Variants in NCBP1 observed in about 807,000 individuals in gnomAD.
The protein encoded by NCBP1 is nuclear cap binding protein subunit 1.
In NCBP1, 16 loss-of-function variants were observed where a neutral mutation model predicts 111.7. That is an observed-to-expected ratio of 0.14 (90% CI 0.10 to 0.22). The LOEUF (loss-of-function observed/expected upper bound fraction) is 0.22. NCBP1 is among the 10% of genes least tolerant of loss of function. The probability of loss-of-function intolerance (pLI) is 1.00; values close to 1 mark genes in which losing one functional copy is unlikely to be tolerated. For synonymous variants in NCBP1, 304 were observed against 314.3 expected, an observed-to-expected ratio of 0.97 and a Z score of 0.35; for missense variants, 607 against 957.5, an observed-to-expected ratio of 0.63 and a Z score of 4.83.
At chr9:97,655,619 T>G in intron 12 of NCBP1, 83 bp from the exon 13 acceptor site, 1 of 1,120,330 alleles carries the variant, frequency 8.9e-7, no homozygotes, top group Non-Finnish European at 1.3e-6. Context: ...GGGTTTTATC[T>G]GTTTGAAGGC....
Position 97,633,919 on chromosome 9 carries a change from A to C in NCBP1, c.34+4A>C. 1 of 1,586,788 alleles carries C rather than the reference A, an allele frequency of 6.3e-7. No homozygotes were observed. The highest frequency in any genetic ancestry group is 8.5e-7 in the Non-Finnish European group (1 of 1,172,650). ...CGGCACAGCGACGAGAACGACGGTG[A>C]GTGCCTGCGGCCCGGCCACGGAGGC... On this transcript the variant is annotated splice_donor_region_variant and intron_variant, in intron 1 of 22. Transcript: ENST00000375147.
At chr9:97,659,951 A>G (rs771298252) in intron 15 of NCBP1, among the ~76,000 whole-genome samples, 1 of 152,082 alleles carries the variant, frequency 6.6e-6, no homozygotes, top group Non-Finnish European at 1.5e-5. Flanking sequence ...TGACTTTGCC[A>G]TTACCCCAGT....
intron 22 of NCBP1, among the ~76,000 whole-genome samples, chr9:97,670,386 T>C (rs1025012055): frequency 2.0e-5 from 3 of 152,226 alleles, no homozygotes; most frequent in Admixed American, 1.3e-4. Flanking sequence ...CTGGGGTCTC[T>C]CTGCAAAAGC....
At chr9:97,668,718 G>A (rs1828086562) in intron 20 of NCBP1, 128 bp from the exon 21 acceptor site, 9 of 985,818 alleles carry the variant, frequency 9.1e-6, no homozygotes, top group Non-Finnish European at 1.1e-5. Context: ...GGCGGGGTGG[G>A]GGGGTACTTT....
intron 7 of NCBP1, 59 bp downstream of exon 7, chr9:97,647,620 T>A: frequency 7.3e-7 from 1 of 1,371,402 alleles, no homozygotes; most frequent in Non-Finnish European, 1.0e-6. Context: ...TAGATTCTTA[T>A]CTCTGTAAGA....
intron 22 of NCBP1, chr9:97,670,129 G>C (rs1357984886): frequency 1.7e-5 from 5 of 295,082 alleles, no homozygotes; most frequent in African/African-American, 1.1e-4. Flanking sequence ...CACCATGTTG[G>C]CCAGGCTAGT....
At chr9:97,644,903 T>C (rs1827292761) in intron 4 of NCBP1, among the ~76,000 whole-genome samples, 2 of 152,210 alleles carry the variant, frequency 1.3e-5, no homozygotes, top group South Asian at 4.1e-4. Context: ...GTAATTTGTA[T>C]ATGTCATAAA....
Position 97,640,801 on chromosome 9 carries a change from G to C in NCBP1, c.42G>C (p.Gln14His). The change falls in exon 2 of 23, where the codon CAG becomes CAC. Residue 14 changes from glutamine (Q) to histidine (H), a missense_variant. Gln to His is a conservative substitution (Grantham distance 24). This residue lies in a region of NCBP1 where 185 missense variants were observed against 272.0 expected (regional missense o/e 0.68). Coordinates refer to ENST00000375147, the MANE Select transcript of NCBP1 (RefSeq NM_002486.5). ...RRHSDENDGG[Q>H]PHKRRKTSDA... ...TTTATGTTGCTGAAATAGGTGGGCA[G>C]CCTCACAAAAGGAGAAAGACCTCTG... The C allele has an allele frequency of 6.2e-7, 1 of 1,605,706 alleles. No individual in the cohort carries two copies. Among genetic ancestry groups the C allele is most frequent in the Non-Finnish European group, 8.5e-7 (1 of 1,176,770 alleles).
chr9:97,637,666 T>G (rs755288028), intron 1 of NCBP1, among the ~76,000 whole-genome samples: 3 of 152,232 alleles, frequency 2.0e-5, no homozygotes, highest in African/African-American at 7.2e-5. Context: ...CATGTTATCT[T>G]TCAAGTTGTT....
chr9:97,667,840 T>C (rs1828054971), intron 20 of NCBP1, among the ~76,000 whole-genome samples: 1 of 152,212 alleles, frequency 6.6e-6, no homozygotes, highest in Non-Finnish European at 1.5e-5. Context: ...AGGCTGCACA[T>C]ATTTATATAA....
intron 13 of NCBP1, 25 bp from the exon 14 acceptor site, chr9:97,655,986 T>C (rs761400375): frequency 7.5e-6 from 12 of 1,599,814 alleles, no homozygotes; most frequent in Non-Finnish European, 8.6e-6. Flanking sequence ...ATGTAAGCAT[T>C]GATAAAACTA....
intron 19 of NCBP1, 137 bp downstream of exon 19, chr9:97,664,580 A>G (rs60463150): frequency 0.051 from 29,358 of 570,180 alleles, 4,242 homozygotes; most frequent in African/African-American, 0.36. Context: ...AGGATTGGAC[A>G]TGGCAAAAAT....
chr9:97,661,963 A>G (rs1827852394), intron 16 of NCBP1, 79 bp from the exon 17 acceptor site: 1 of 952,464 alleles, frequency 1.0e-6, no homozygotes, highest in Non-Finnish European at 1.6e-6. Context: ...GTGAGCAACC[A>G]TCTATTTAGC....
chr9:97,654,009 T>G (rs1187550165), intron 11 of NCBP1, 101 bp downstream of exon 11: 1 of 1,053,106 alleles, frequency 9.5e-7, no homozygotes, highest in Admixed American at 2.6e-5. Context: ...GTAAAAAATG[T>G]GGCTTTTGAA....
In NCBP1 at chr9:97,633,905, C is replaced by G; in HGVS notation, c.24C>G (p.Asp8Glu). MSRRRHSDENDGGQPHKR... is the reference protein window; with the variant it reads MSRRRHSEENDGGQPHKR... ...GCATGTCGCGGCGGCGGCACAGCGA[C>G]GAGAACGACGGTGAGTGCCTGCGGC... The change falls in exon 1 of 23, where the codon GAC becomes GAG. Residue 8 changes from aspartate (D) to glutamate (E), a missense_variant. This residue lies in a region of NCBP1 where 185 missense variants were observed against 272.0 expected (regional missense o/e 0.68). Transcript: ENST00000375147. 3 of 1,589,540 alleles carry G rather than the reference C, an allele frequency of 1.9e-6. No homozygotes were observed. Among genetic ancestry groups the G allele is most frequent in the Non-Finnish European group, 2.6e-6 (3 of 1,173,970 alleles).
At chr9:97,639,831 A>C (rs57188235) in intron 1 of NCBP1, among the ~76,000 whole-genome samples, 12,054 of 152,204 alleles carry the variant, frequency 0.079, 1,249 homozygotes, top group African/African-American at 0.23. Flanking sequence ...CAAGGGTCTT[A>C]ATAGACAGGT....
intron 1 of NCBP1, among the ~76,000 whole-genome samples, chr9:97,636,671 T>TATATAA (rs1237495428): frequency 8.3e-6 from 1 of 120,562 alleles, no homozygotes; most frequent in Non-Finnish European, 1.8e-5. Context: ...TATATATATA[T>TATATAA]ATAAAATCAT....
chr9:97,643,127 A>T (rs1827246475), intron 3 of NCBP1, 77 bp from the exon 4 acceptor site: 1 of 1,401,768 alleles, frequency 7.1e-7, no homozygotes, highest in Non-Finnish European at 9.6e-7. Context: ...ATGGAATGAT[A>T]AAAAGATTCA....
intron 1 of NCBP1, among the ~76,000 whole-genome samples, chr9:97,638,070 A>G (rs912936237): frequency 6.6e-6 from 1 of 152,340 alleles, no homozygotes; most frequent in Admixed American, 6.5e-5. Context: ...TCTTCAGGGT[A>G]CATTGAGCGA....
Sources: allele counts gnomAD v4.1 joint callset (sites outside exome capture counted in the v4.1 genomes callset), GRCh38; gene constraint gnomAD v4.1.1; regional missense constraint gnomAD v4.1.1; transcripts MANE v1.5; gene names NCBI Gene and HGNC (gene_info 2026-07-23, HGNC 2026-07-21).